Variants in VSTM5 observed in about 807,000 individuals in gnomAD.
VSTM5 encodes V-set and transmembrane domain containing 5, also known as V-set and transmembrane domain-containing protein 5.
VSTM5 carries 21 observed loss-of-function variants against 20.3 expected under a neutral mutation model. The ratio of observed to expected loss-of-function variants is 1.03; its 90% confidence interval spans 0.73 to 1.49. The LOEUF is 1.49. VSTM5 is among the 40% of genes most tolerant of loss of function. VSTM5 has a pLI of 0.00. For synonymous variants in VSTM5, 100 were observed against 102.5 expected (o/e 0.98, Z 0.14); for missense variants, 219 against 250.0 (o/e 0.88, Z 0.84).
chr11:93,846,860 G>A (rs1056557805), intron 1 of VSTM5, among the ~76,000 whole-genome samples: 105 of 150,382 alleles, frequency 7.0e-4, no homozygotes, highest in Non-Finnish European at 6.5e-4. Context: ...TCTGCCTCCC[G>A]GGTTCAAGCG....
intron 1 of VSTM5, among the ~76,000 whole-genome samples, chr11:93,828,044 T>A (rs1179065236): frequency 2.0e-5 from 3 of 152,226 alleles, no homozygotes; most frequent in African/African-American, 4.8e-5. Context: ...TTTATTGAGT[T>A]AATAATTTTT....
At chr11:93,842,406 T>C (rs1944377730) in intron 1 of VSTM5, among the ~76,000 whole-genome samples, 1 of 152,252 alleles carries the variant, frequency 6.6e-6, no homozygotes. Context: ...GTGGAATTCC[T>C]TCTAGAATCT....
At chr11:93,843,115 CATGCGT>C (rs1273903732) in intron 1 of VSTM5, among the ~76,000 whole-genome samples, 1 of 151,908 alleles carries the variant, frequency 6.6e-6, no homozygotes, top group Non-Finnish European at 1.5e-5. Context: ...AATTCAGGCA[CATGCGT>C]AACTGGATAC....
intron 1 of VSTM5, among the ~76,000 whole-genome samples, chr11:93,837,717 C>A (rs1291972397): frequency 2.6e-5 from 4 of 152,048 alleles, no homozygotes; most frequent in Non-Finnish European, 5.9e-5. Flanking sequence ...CCTCACCCCA[C>A]AAATAAACAA....
intron 1 of VSTM5, among the ~76,000 whole-genome samples, chr11:93,844,334 T>C (rs528196791): frequency 1.3e-5 from 2 of 152,130 alleles, no homozygotes; most frequent in African/African-American, 2.4e-5. Context: ...GAATCTTGTA[T>C]GAGTACAGAA....
intron 1 of VSTM5, among the ~76,000 whole-genome samples, chr11:93,840,421 G>A (rs1944361318): frequency 6.6e-6 from 1 of 152,204 alleles, no homozygotes; most frequent in African/African-American, 2.4e-5. Context: ...TCCACACTGA[G>A]GTGTTAGCAG....
chr11:93,829,961 C>T (rs960879512), intron 1 of VSTM5, among the ~76,000 whole-genome samples: 8 of 152,174 alleles, frequency 5.3e-5, no homozygotes, highest in Non-Finnish European at 7.3e-5. Context: ...GAAAGGCACT[C>T]ATTTAAGGTG....
In VSTM5 at chr11:93,821,041, C is replaced by T. The variant is rs200983272; in HGVS notation, c.374G>A (p.Arg125His). 222 of 1,551,560 alleles carry T rather than the reference C, an allele frequency of 1.4e-4. No homozygotes were observed. The highest frequency in any genetic ancestry group is 2.0e-4 in the East Asian group (8 of 40,942). The change falls in exon 2 of 4, where the codon CGC becomes CAC. Residue 125 changes from arginine to histidine, a missense_variant. Arg to His is a conservative substitution (Grantham distance 29). Transcript: ENST00000409977. ...GGTGCCAAACTGGCTGCTCCCCAGGCGCTCCGTCACGGTGATGACATAGTA... is the reference window on the plus strand; with the variant it reads ...GGTGCCAAACTGGCTGCTCCCCAGGTGCTCCGTCACGGTGATGACATAGTA... Reference protein sequence around the residue: ...SGYYVITVTERLGSSQFGTIV... With the variant: ...SGYYVITVTEHLGSSQFGTIV...
chr11:93,830,835 C>T (rs1210222249), intron 1 of VSTM5, among the ~76,000 whole-genome samples: 1 of 151,632 alleles, frequency 6.6e-6, no homozygotes. Context: ...CTCACTGCAA[C>T]CTCTGCGTCC....
intron 1 of VSTM5, among the ~76,000 whole-genome samples, chr11:93,828,232 C>A (rs1944254172): frequency 1.3e-5 from 2 of 152,108 alleles, no homozygotes; most frequent in Admixed American, 6.6e-5. Flanking sequence ...TCTTAAAGAA[C>A]AAGTCACATA....
chr11:93,825,176 G>T lies in VSTM5; in HGVS notation c.92-3853C>A, dbSNP rs544218071. Among the ~76,000 whole-genome samples the T allele has an allele frequency of 3.9e-5, 6 of 152,202 alleles. No individual in the cohort carries two copies. The South Asian group carries it at 1.0e-3, about 26-fold the overall frequency. Reference sequence around the variant, plus strand: ...TGTGCTTCTATATGAATTTGATGTGGTTTTTTCTTGAGACAGGGTCTCCCT... The same window carrying T: ...TGTGCTTCTATATGAATTTGATGTGTTTTTTTCTTGAGACAGGGTCTCCCT... On this transcript the variant is annotated intron_variant, in intron 1 of 3. Coordinates refer to ENST00000409977, the MANE Select transcript of VSTM5 (RefSeq NM_001144871.2).
intron 1 of VSTM5, among the ~76,000 whole-genome samples, chr11:93,849,541 A>G (rs901977479): frequency 6.6e-6 from 1 of 152,354 alleles, no homozygotes; most frequent in Non-Finnish European, 1.5e-5. Context: ...ACTAAATGAG[A>G]GAGGTCTTGT....
chr11:93,822,756 T>TG (rs1182071978), intron 1 of VSTM5, among the ~76,000 whole-genome samples: 1 of 152,140 alleles, frequency 6.6e-6, no homozygotes, highest in Non-Finnish European at 1.5e-5. Flanking sequence ...CCCATAATGT[T>TG]GGGATTACAG....
At chr11:93,849,110 G>A (rs190414931) in intron 1 of VSTM5, among the ~76,000 whole-genome samples, 9 of 152,224 alleles carry the variant, frequency 5.9e-5, no homozygotes, top group Non-Finnish European at 4.4e-5. Context: ...CCTTGTATAA[G>A]TTAACATAAT....
chr11:93,823,236 G>A (rs997896851), intron 1 of VSTM5, among the ~76,000 whole-genome samples: 1 of 149,954 alleles, frequency 6.7e-6, no homozygotes, highest in Non-Finnish European at 1.5e-5. Flanking sequence ...AGGTCTTTCT[G>A]TGTTGCTAGG....
At chr11:93,841,910 A>G (rs1944373420) in intron 1 of VSTM5, among the ~76,000 whole-genome samples, 1 of 152,222 alleles carries the variant, frequency 6.6e-6, no homozygotes, top group Non-Finnish European at 1.5e-5. Context: ...AGATGCATTC[A>G]TGGATTCTAG....
intron 1 of VSTM5, among the ~76,000 whole-genome samples, chr11:93,824,186 A>G (rs1944214369): frequency 1.3e-5 from 2 of 152,034 alleles, no homozygotes; most frequent in Non-Finnish European, 2.9e-5. Context: ...GGGATTACAG[A>G]CATGAGCCAC....
Position 93,837,693 on chromosome 11 carries a change from G to A in VSTM5, c.91+12719C>T, listed in dbSNP as rs1030831148. On this transcript the variant is annotated intron_variant, in intron 1 of 3. Transcript: ENST00000409977. ...TTAAAGTGAATGCAGTATGCCGAAT[G>A]CTTAGCACAGTGCCCTCACCCCACA... Among the ~76,000 whole-genome samples, 5 of 152,076 alleles carry A rather than the reference G, an allele frequency of 3.3e-5. No individual in the cohort carries two copies. In the East Asian group the frequency reaches 9.7e-4, roughly 29 times the overall value.
intron 1 of VSTM5, among the ~76,000 whole-genome samples, chr11:93,833,449 T>C (rs565846608): frequency 7.2e-5 from 11 of 152,262 alleles, no homozygotes; most frequent in African/African-American, 2.6e-4. Context: ...CATGGTGGCA[T>C]GCACCTGTGG....
Sources: gnomAD v4.1 joint callset for allele counts (sites outside exome capture counted in the v4.1 genomes callset) on GRCh38, gnomAD v4.1.1 for gene constraint, MANE v1.5 for transcripts, NCBI Gene and HGNC (gene_info 2026-07-23, HGNC 2026-07-21) for gene names.